Variants in PHF2 observed in about 807,000 individuals in gnomAD.
PHF2 encodes the protein PHD finger protein 2.
PHF2 carries 27 observed loss-of-function variants against 120.5 expected under a neutral mutation model. That is an observed-to-expected ratio of 0.22 (90% CI 0.17 to 0.31). The LOEUF (loss-of-function observed/expected upper bound fraction) is 0.31, where lower values mean the gene tolerates loss of function less well. Among genes scored for constraint, PHF2 ranks in the 10% least tolerant of loss-of-function variants. The probability of loss-of-function intolerance (pLI) is 1.00; values close to 1 mark genes in which losing one functional copy is unlikely to be tolerated. For missense variants in PHF2, 1,024 were observed against 1,434.8 expected, an observed-to-expected ratio of 0.71 and a Z score of 4.63; for synonymous variants, 568 against 592.5, an observed-to-expected ratio of 0.96 and a Z score of 0.60.
chr9:93,599,629 C>T (rs1196595499), intron 1 of PHF2, among the ~76,000 whole-genome samples: 1 of 152,248 alleles, frequency 6.6e-6, no homozygotes, highest in Non-Finnish European at 1.5e-5. Flanking sequence ...GGCCTCTCAG[C>T]CGAGATATTC....
rs764509705 is a variant in PHF2 at position 93,658,170 on chromosome 9, G to A, written c.1173G>A (p.Leu391=). 8.7e-6 allele frequency: 14 copies of A among 1,612,974 alleles called. No individual in the cohort carries two copies. The highest frequency in any genetic ancestry group is 1.2e-5 in the Non-Finnish European group (14 of 1,179,544). The part of the protein sequence containing the change: ...FKGSHKSGKQ[L]PPHLVQGAKI... ...GCTCTCACAAATCTGGGAAGCAGCT[G>A]CCCCCTCATCTAGTCCAAGGAGCTA... is the stretch of plus-strand genomic sequence containing the variant. Residue 391 remains leucine (L), a synonymous_variant, in exon 10 of 22, where the codon CTG becomes CTA. Coordinates refer to ENST00000359246, the MANE Select transcript of PHF2 (RefSeq NM_005392.4).
intron 14 of PHF2, 98 bp from the exon 15 acceptor site, chr9:93,665,588 C>A: frequency 7.4e-7 from 1 of 1,347,238 alleles, no homozygotes; most frequent in Non-Finnish European, 1.0e-6. Context: ...TGGAGGCCAT[C>A]CTGCCGCGGC....
In PHF2 at chr9:93,649,217, G is replaced by A. The variant is rs1826314544; in HGVS notation, c.602+5G>A. The A allele has an allele frequency of 6.5e-7, 1 of 1,540,300 alleles. No individual in the cohort carries two copies. The highest frequency in any genetic ancestry group is 2.5e-5 in the East Asian group (1 of 40,294). ...CCTCGAGTTCTCTGACACCCGGTGA[G>A]TGCTACCACCCTGGGGGTGTGGGGG... is the stretch of plus-strand genomic sequence containing the variant. On this transcript the variant is annotated splice_donor_5th_base_variant and intron_variant, in intron 5 of 21. Transcript: ENST00000359246.
chr9:93,660,657 C>T, intron 12 of PHF2, 97 bp downstream of exon 12: 2 of 1,225,194 alleles, frequency 1.6e-6, no homozygotes, highest in Non-Finnish European at 2.2e-6. Flanking sequence ...GCCCATTGTC[C>T]TTGTTCCCCA....
intron 3 of PHF2, among the ~76,000 whole-genome samples, chr9:93,641,678 T>C (rs1251460553): frequency 1.3e-5 from 2 of 152,266 alleles, no homozygotes; most frequent in Non-Finnish European, 2.9e-5. Flanking sequence ...GTAAGAATTC[T>C]TTACATATTC....
chr9:93,642,331 G>GAT (rs1436382402), intron 3 of PHF2, among the ~76,000 whole-genome samples: 4 of 152,162 alleles, frequency 2.6e-5, no homozygotes, highest in Non-Finnish European at 5.9e-5. Context: ...ATTTTGATAG[G>GAT]GATTATGTGG....
chr9:93,592,154 G>A (rs1474210204), intron 1 of PHF2, among the ~76,000 whole-genome samples: 1 of 152,156 alleles, frequency 6.6e-6, no homozygotes, highest in Non-Finnish European at 1.5e-5. Context: ...CTCTCAGTGT[G>A]CACCTCCCAG....
chr9:93,617,492 G>A (rs893848669), intron 1 of PHF2, among the ~76,000 whole-genome samples: 16 of 152,184 alleles, frequency 1.1e-4, no homozygotes, highest in African/African-American at 3.6e-4. Flanking sequence ...GAGTAGACAG[G>A]CTTCTTTAGA....
intron 1 of PHF2, among the ~76,000 whole-genome samples, chr9:93,587,854 G>A (rs1296416434): frequency 1.3e-5 from 2 of 152,150 alleles, no homozygotes; most frequent in Non-Finnish European, 2.9e-5. Context: ...GCTGCCCATT[G>A]GCCTCACTGA....
intron 1 of PHF2, among the ~76,000 whole-genome samples, chr9:93,577,502 C>T (rs2131591570): frequency 6.6e-6 from 1 of 152,180 alleles, no homozygotes; most frequent in South Asian, 2.1e-4. Context: ...CCTCCCGGAC[C>T]CCCGCGGAGC....
At position 93,655,961 on chromosome 9, in the gene PHF2, T is replaced by C; in HGVS notation, c.980T>C (p.Val327Ala). The change falls in exon 8 of 22, where the codon GTG (valine) becomes GCG (alanine). Residue 327 changes from valine to alanine, a missense_variant. By Grantham distance (64) the Val-to-Ala change is moderately conservative (BLOSUM62 0). Around this residue, in one of 2 missense-constraint regions of PHF2, gnomAD observed 347 missense variants for 577.4 expected, o/e 0.60. Coordinates refer to ENST00000359246, the MANE Select transcript of PHF2 (RefSeq NM_005392.4). ...TGGATCTACGCCACACTCACCCCTG[T>C]GGACTGCCTGGCCTTCGCGGGACAT... ...SGWIYATLTP[V>A]DCLAFAGHFL... 1 of 1,612,852 alleles carries C rather than the reference T, an allele frequency of 6.2e-7. No individual in the cohort carries two copies. The highest frequency in any genetic ancestry group is 8.5e-7 in the Non-Finnish European group (1 of 1,179,802).
chr9:93,605,956 A>T (rs1245154273), intron 1 of PHF2, among the ~76,000 whole-genome samples: 1 of 151,946 alleles, frequency 6.6e-6, no homozygotes, highest in Non-Finnish European at 1.5e-5. Flanking sequence ...TCATTTGGTA[A>T]GAGTGTGTTT....
chr9:93,615,189 G>A (rs1397575608), intron 1 of PHF2, among the ~76,000 whole-genome samples: 1 of 130,698 alleles, frequency 7.7e-6, no homozygotes, highest in Non-Finnish European at 1.7e-5. Context: ...TGGTGATGGC[G>A]ATGGTGATGA....
At chr9:93,613,309 A>C (rs1452761627) in intron 1 of PHF2, among the ~76,000 whole-genome samples, 3 of 152,216 alleles carry the variant, frequency 2.0e-5, no homozygotes, top group Non-Finnish European at 4.4e-5. Context: ...GCCTGCAGGA[A>C]GGCAGCTCTG....
rs74749889 is a variant in PHF2, at chr9:93,638,416, A to G, written c.299+1891A>G. The stretch of plus-strand genomic sequence containing the variant: ...AGAGTTTTGTAGTTTTAGCACATAC[A>G]GTTTGTTCTTTGATACATTTTGAGC... On this transcript the variant is annotated intron_variant, in intron 3 of 21. Coordinates refer to ENST00000359246, the MANE Select transcript of PHF2 (RefSeq NM_005392.4). Among the ~76,000 whole-genome samples, 6 of 152,360 alleles carry G rather than the reference A, an allele frequency of 3.9e-5. No homozygotes were observed. The East Asian group carries it at 1.2e-3, about 29-fold the overall frequency.
Position 93,666,078 on chromosome 9 carries a change from C to A in PHF2, c.2187+18C>A, listed in dbSNP as rs759252718. On this transcript the variant is annotated intron_variant, in intron 16 of 21. Transcript: ENST00000359246. ...CGTACAAGGTGAGCTGCCTTACAGGCCCCCCTCAGTCTCGGGGGGCATCTC... is the reference window on the plus strand; with the variant it reads ...CGTACAAGGTGAGCTGCCTTACAGGACCCCCTCAGTCTCGGGGGGCATCTC... The A allele has an allele frequency of 1.2e-6, 2 of 1,608,070 alleles. No individual in the cohort carries two copies. The highest frequency in any genetic ancestry group is 1.7e-6 in the Non-Finnish European group (2 of 1,175,774).
intron 1 of PHF2, among the ~76,000 whole-genome samples, chr9:93,607,907 G>C (rs1208857390): frequency 6.7e-6 from 1 of 148,994 alleles, no homozygotes; most frequent in Non-Finnish European, 1.5e-5. Flanking sequence ...GAGAGAGAAA[G>C]GGAAAGAGAT....
At chr9:93,654,693 C>A in intron 7 of PHF2, 118 bp downstream of exon 7, 1 of 970,324 alleles carries the variant, frequency 1.0e-6, no homozygotes, top group Non-Finnish European at 1.6e-6. Context: ...CCCTGGCATG[C>A]CTGCTCCCTT....
intron 1 of PHF2, among the ~76,000 whole-genome samples, chr9:93,587,227 T>G (rs796632116): frequency 7.5e-6 from 1 of 133,570 alleles, no homozygotes; most frequent in Non-Finnish European, 1.6e-5. Flanking sequence ...TGAGGGATGA[T>G]GGAGGAGCCC....
Sources: allele counts gnomAD v4.1 joint callset (sites outside exome capture counted in the v4.1 genomes callset), GRCh38; gene constraint gnomAD v4.1.1; regional missense constraint gnomAD v4.1.1; transcripts MANE v1.5; gene names NCBI Gene and HGNC (gene_info 2026-07-23, HGNC 2026-07-21).